Variants in LSAMP observed in about 807,000 individuals in gnomAD.
The protein encoded by LSAMP is limbic system-associated membrane protein.
A neutral mutation model predicts 38.6 loss-of-function variants in LSAMP; 7 were observed. The observed-to-expected ratio is 0.18, with a 90% CI of 0.10 to 0.34. The LOEUF (loss-of-function observed/expected upper bound fraction) is 0.34, where lower values mean the gene tolerates loss of function less well. LSAMP is among the 10% of genes least tolerant of loss of function. The pLI, the probability that LSAMP is intolerant of heterozygous loss-of-function variation, is 1.00. For missense variants in LSAMP, 313 were observed against 420.0 expected, an observed-to-expected ratio of 0.75 and a Z score of 2.23; for synonymous variants, 154 against 166.8, an observed-to-expected ratio of 0.92 and a Z score of 0.59.
chr3:116,337,136 T>C (rs573641049), intron 1 of LSAMP, among the ~76,000 whole-genome samples: 1 of 152,038 alleles, frequency 6.6e-6, no homozygotes, highest in South Asian at 2.1e-4. Context: ...CATAGACAGA[T>C]GGTAGAATGG....
chr3:116,053,359 G>T (rs1298804078), intron 2 of LSAMP, among the ~76,000 whole-genome samples: 1 of 152,154 alleles, frequency 6.6e-6, no homozygotes, highest in Non-Finnish European at 1.5e-5. Flanking sequence ...TGCCCTCAGT[G>T]TTCTTACAAT....
chr3:116,312,571 T>G (rs983024922), intron 1 of LSAMP, among the ~76,000 whole-genome samples: 5 of 152,178 alleles, frequency 3.3e-5, no homozygotes, highest in Non-Finnish European at 7.3e-5. Context: ...TTTTCTATCA[T>G]CTATGCCTTT....
intron 1 of LSAMP, among the ~76,000 whole-genome samples, chr3:116,171,470 T>C (rs1710196365): frequency 6.6e-6 from 1 of 152,104 alleles, no homozygotes; most frequent in African/African-American, 2.4e-5. Flanking sequence ...CTTAATACCA[T>C]CATCATGTTA....
intron 1 of LSAMP, among the ~76,000 whole-genome samples, chr3:116,250,440 C>T (rs886893853): frequency 2.6e-5 from 4 of 152,100 alleles, no homozygotes; most frequent in Non-Finnish European, 5.9e-5. Flanking sequence ...TCAATTCATC[C>T]ATCCCTACAA....
At chr3:116,213,064 C>A (rs1256845357) in intron 1 of LSAMP, among the ~76,000 whole-genome samples, 1 of 152,070 alleles carries the variant, frequency 6.6e-6, no homozygotes, top group Non-Finnish European at 1.5e-5. Context: ...TGTCCATGAC[C>A]AATTTTGCTC....
chr3:116,374,614 G>C (rs1232176519), intron 1 of LSAMP, among the ~76,000 whole-genome samples: 1 of 151,816 alleles, frequency 6.6e-6, no homozygotes, highest in African/African-American at 2.4e-5. Flanking sequence ...TATTATCTCT[G>C]AATTGTACAG....
chr3:116,029,973 G>A (rs1940882360), intron 2 of LSAMP, among the ~76,000 whole-genome samples: 1 of 152,034 alleles, frequency 6.6e-6, no homozygotes, highest in South Asian at 2.1e-4. Flanking sequence ...CCATCAAAAA[G>A]GAGGGTTAAT....
intron 1 of LSAMP, among the ~76,000 whole-genome samples, chr3:116,116,668 G>A (rs1022852799): frequency 1.3e-4 from 19 of 151,798 alleles, no homozygotes; most frequent in Non-Finnish European, 2.2e-4. Context: ...AGTGAGCTGA[G>A]ATCGCGCCAC....
At chr3:116,311,783 A>C (rs1207732197) in intron 1 of LSAMP, among the ~76,000 whole-genome samples, 1 of 152,230 alleles carries the variant, frequency 6.6e-6, no homozygotes, top group African/African-American at 2.4e-5. Context: ...CTATGAGACC[A>C]GTCATTGCAG....
intron 1 of LSAMP, among the ~76,000 whole-genome samples, chr3:116,151,230 A>G (rs549640944): frequency 6.6e-6 from 1 of 152,178 alleles, no homozygotes; most frequent in Non-Finnish European, 1.5e-5. Flanking sequence ...ATTTATGACC[A>G]TGAGAGAAAT....
chr3:115,872,728 ACT>A lies in LSAMP; in HGVS notation c.515-20113_515-20112del, dbSNP rs375335892. Among the ~76,000 whole-genome samples the A allele has an allele frequency of 9.9e-3, 1,507 of 152,202 alleles. 27 individuals carry two copies. The highest frequency in any genetic ancestry group is 0.034 in the African/African-American group (1,396 of 41,530). On this transcript the variant is annotated intron_variant, in intron 3 of 6. Transcript: ENST00000490035. ...ATTATATTATTTAACCATTTTGAAA[ACT>A]CTGTAGTACAAATATTTAATCCCTG...
chr3:116,308,093 G>C (rs2047507612), intron 1 of LSAMP, among the ~76,000 whole-genome samples: 1 of 151,854 alleles, frequency 6.6e-6, no homozygotes, highest in Non-Finnish European at 1.5e-5. Flanking sequence ...ACAGAAACTT[G>C]CTCACGCTGT....
At chr3:116,052,656 AATT>A (rs1941417042) in intron 2 of LSAMP, among the ~76,000 whole-genome samples, 1 of 152,138 alleles carries the variant, frequency 6.6e-6, no homozygotes, top group Non-Finnish European at 1.5e-5. Flanking sequence ...GTTGAGAAGA[AATT>A]ATTTACCTGC....
chr3:115,884,557 CT>C (rs1936402904), intron 3 of LSAMP, among the ~76,000 whole-genome samples: 1 of 151,970 alleles, frequency 6.6e-6, no homozygotes, highest in Non-Finnish European at 1.5e-5. Flanking sequence ...CTGGTGATCT[CT>C]CTAGTGAGTC....
In LSAMP at chr3:115,884,604, C is replaced by T. The variant is rs140304945; in HGVS notation, c.515-31987G>A. Among the ~76,000 whole-genome samples, 11 of 151,998 alleles carry T rather than the reference C, an allele frequency of 7.2e-5. No homozygotes were observed. The East Asian group carries it at 1.5e-3, about 21-fold the overall frequency. ...TTCATCACTGTATAGAAGATGACTA[C>T]GGAGGGCTCGCAGATGGCACTGGAT... On this transcript the variant is annotated intron_variant, in intron 3 of 6. Transcript: ENST00000490035.
intron 1 of LSAMP, among the ~76,000 whole-genome samples, chr3:116,359,019 A>G (rs879912800): frequency 1.3e-5 from 2 of 152,192 alleles, no homozygotes; most frequent in Non-Finnish European, 2.9e-5. Context: ...TTTTTGTCAT[A>G]CTAAACTACA....
intron 1 of LSAMP, among the ~76,000 whole-genome samples, chr3:116,259,549 G>A (rs573188670): frequency 5.3e-5 from 8 of 151,976 alleles, no homozygotes; most frequent in Non-Finnish European, 7.4e-5. Flanking sequence ...GACTTATTTC[G>A]TTTTGCTAGA....
At chr3:116,238,307 G>T (rs2046491015) in intron 1 of LSAMP, among the ~76,000 whole-genome samples, 1 of 152,146 alleles carries the variant, frequency 6.6e-6, no homozygotes, top group Non-Finnish European at 1.5e-5. Context: ...AGCTGTTTTA[G>T]TCATTTCATA....
chr3:116,154,706 T>C (rs1283788308), intron 1 of LSAMP, among the ~76,000 whole-genome samples: 1 of 152,024 alleles, frequency 6.6e-6, no homozygotes, highest in Non-Finnish European at 1.5e-5. Flanking sequence ...CCTTCCCCCA[T>C]CCCTACTCAT....
Sources: allele counts gnomAD v4.1 joint callset (sites outside exome capture counted in the v4.1 genomes callset), GRCh38; gene constraint gnomAD v4.1.1; transcripts MANE v1.5; gene names NCBI Gene and HGNC (gene_info 2026-07-23, HGNC 2026-07-21).